The following TMEM130 variants were observed in gnomAD, a reference collection of about 807,000 sequenced individuals.
The protein encoded by TMEM130 is transmembrane protein 130.
Under a neutral mutation model 42.9 loss-of-function variants are expected in TMEM130, and 37 were observed. That is an observed-to-expected ratio of 0.86 (90% CI 0.66 to 1.13). The LOEUF is 1.13. Ranked by LOEUF, TMEM130 falls within the 50% of genes most tolerant of loss-of-function variation. The pLI, the probability that TMEM130 is intolerant of heterozygous loss-of-function variation, is 0.00. For missense variants in TMEM130, 545 were observed against 562.6 expected, an observed-to-expected ratio of 0.97 and a Z score of 0.32; for synonymous variants, 259 against 237.7, an observed-to-expected ratio of 1.09 and a Z score of -0.82.
intron 3 of TMEM130, 110 bp downstream of exon 3, chr7:98,860,068 CA>C (rs113732793): frequency 0.097 from 78,887 of 815,222 alleles, 8 homozygotes; most frequent in South Asian, 0.13. Context: ...GACTGCATCT[CA>C]AAAAAAAAAA....
intron 2 of TMEM130, among the ~76,000 whole-genome samples, chr7:98,862,248 G>C (rs1794786990): frequency 1.3e-5 from 2 of 151,090 alleles, no homozygotes; most frequent in Non-Finnish European, 1.5e-5. Flanking sequence ...GAGAGACAAA[G>C]AGACATAGAG....
intron 5 of TMEM130, among the ~76,000 whole-genome samples, chr7:98,852,451 C>T (rs767744336): frequency 2.0e-5 from 3 of 151,938 alleles, no homozygotes; most frequent in Non-Finnish European, 4.4e-5. Flanking sequence ...TTTTTAATAG[C>T]GATGGGACTA....
chr7:98,866,718 G>A (rs780181620), intron 1 of TMEM130: 21 of 152,196 alleles, frequency 1.4e-4, no homozygotes, highest in African/African-American at 5.1e-4. Context: ...CTCCAGCTCC[G>A]ACCTTTCCTC....
chr7:98,860,099 A>C, intron 3 of TMEM130, 80 bp downstream of exon 3: 1 of 1,271,620 alleles, frequency 7.9e-7, no homozygotes, highest in Admixed American at 2.9e-5. Flanking sequence ...AGGTGAAGAG[A>C]TTCGGAGTAC....
At chr7:98,859,069 AAAAGG>A (rs1191001275) in intron 3 of TMEM130, among the ~76,000 whole-genome samples, 1 of 148,918 alleles carries the variant, frequency 6.7e-6, no homozygotes, top group Non-Finnish European at 1.5e-5. Context: ...AGAAAAAAGA[AAAAGG>A]AAAGGAAAGA....
In TMEM130 at chr7:98,869,794, G is replaced by A; in HGVS notation, c.68C>T (p.Pro23Leu). The A allele has an allele frequency of 7.0e-7, 1 of 1,430,164 alleles. No homozygotes were observed. The highest frequency in any genetic ancestry group is 1.5e-5 in the African/African-American group (1 of 67,536). 88.6% of individuals were successfully genotyped at this position (1,430,164 alleles called of 1,614,324 possible). A position where few individuals can be genotyped will look rare whatever the true frequency, so the allele number is the denominator to read the frequency against. The stretch of plus-strand genomic sequence containing the variant: ...CGCCTTACCTGCGGCCACCCCTGCC[G>A]GGGCCCAGGGCAGGAGGCAGGCAAG... The part of the protein sequence containing the change: ...LWLACLLPWA[P>L]AGVAAGLYEL... The change falls in exon 1 of 8, where the codon CCG becomes CTG. Residue 23 changes from proline (P) to leucine (L), a missense_variant. Pro to Leu is a moderately conservative substitution (Grantham distance 98, BLOSUM62 -3). Transcript: ENST00000339375. This position sits in a 1 kb window ranked among gnomAD's most constrained non-coding sequence, Gnocchi z 4.7.
intron 4 of TMEM130, 47 bp from the exon 5 acceptor site, chr7:98,855,371 T>C (rs372732489): frequency 4.5e-6 from 7 of 1,559,822 alleles, no homozygotes; most frequent in Admixed American, 3.5e-5. Flanking sequence ...TAAGGATTGC[T>C]GTCGAGGCTC....
Position 98,846,932 on chromosome 7 carries a change from T to C in TMEM130, c.*1124A>G, listed in dbSNP as rs1338087380. On this transcript the variant is annotated 3_prime_UTR_variant, in exon 8 of 8. Coordinates refer to ENST00000339375, the MANE Select transcript of TMEM130 (RefSeq NM_152913.3). ...GTGCAGTGGCGCCATCTGGGCTCAC[T>C]GCAAGCTCCGCCTCCCGGGTTCGCA... 6.6e-6 allele frequency: 1 copy of C among 152,018 alleles called. No homozygotes were observed. The highest frequency in any genetic ancestry group is 2.4e-5 in the African/African-American group (1 of 41,348). The allele number at this position is 152,018 out of a possible 1,614,324, so 9.4% of individuals were successfully genotyped here. A position where few individuals can be genotyped will look rare whatever the true frequency, so the allele number is the denominator to read the frequency against.
At chr7:98,866,844 A>C (rs561379385) in intron 1 of TMEM130, 33 of 152,240 alleles carry the variant, frequency 2.2e-4, no homozygotes, top group African/African-American at 7.7e-4. Context: ...TCACACCTGT[A>C]ATCACAGCGC....
At chr7:98,860,157 C>T (rs377047308) in intron 3 of TMEM130, 22 bp downstream of exon 3, 1 of 1,606,666 alleles carries the variant, frequency 6.2e-7, no homozygotes, top group South Asian at 1.1e-5. Context: ...GCTGTAGGGC[C>T]TGCAGAGGGG....
In TMEM130 at chr7:98,848,177, C is replaced by A; in HGVS notation, c.1151G>T (p.Cys384Phe). 6.2e-7 allele frequency: 1 copy of A among 1,614,114 alleles called. No individual in the cohort carries two copies. The highest frequency in any genetic ancestry group is 8.5e-7 in the Non-Finnish European group (1 of 1,180,008). The change falls in exon 8 of 8, where the codon TGC becomes TTC. Residue 384 changes from cysteine (C) to phenylalanine (F), a missense_variant. Transcript: ENST00000339375. ...GAAAGGCCCACAGCACATCTGGCAG[C>A]AGCACCTGACCCCAGAGGGTGGCTC... ...NPEPPSGVRC[C>F]CQMCCGPFLL...
intron 6 of TMEM130, among the ~76,000 whole-genome samples, chr7:98,850,752 A>G (rs1293489201): frequency 6.6e-6 from 1 of 151,998 alleles, no homozygotes; most frequent in Non-Finnish European, 1.5e-5. Context: ...AAGACTCACT[A>G]CAACACTGTG....
intron 6 of TMEM130, among the ~76,000 whole-genome samples, chr7:98,849,595 C>T (rs1407074693): frequency 6.6e-6 from 1 of 151,814 alleles, no homozygotes; most frequent in East Asian, 1.9e-4. Flanking sequence ...TCTCAGGGGC[C>T]CAGAGTGGGA....
Position 98,847,912 on chromosome 7 carries a change from G to T in TMEM130, c.*144C>A. On this transcript the variant is annotated 3_prime_UTR_variant, in exon 8 of 8. Coordinates refer to ENST00000339375, the MANE Select transcript of TMEM130 (RefSeq NM_152913.3). ...CAGAGAGGGAGGGGCTTGTGGCAGTGGCTGAACTGTACAGATGGATGGATG... is the reference window on the plus strand; with the variant it reads ...CAGAGAGGGAGGGGCTTGTGGCAGTTGCTGAACTGTACAGATGGATGGATG... 3 of 746,970 alleles carry T rather than the reference G, an allele frequency of 4.0e-6. No homozygotes were observed. Among genetic ancestry groups the T allele is most frequent in the Admixed American group, 2.8e-5 (1 of 35,500 alleles). 46.3% of individuals were successfully genotyped at this position (746,970 alleles called of 1,614,324 possible).
chr7:98,864,381 C>CTTTTT (rs77399182), intron 1 of TMEM130, among the ~76,000 whole-genome samples: 1 of 137,928 alleles, frequency 7.3e-6, no homozygotes, highest in Non-Finnish European at 1.6e-5. Flanking sequence ...TGATTTTTTT[C>CTTTTT]TTTTTTTTTT....
Position 98,868,027 on chromosome 7 carries a change from G to A in TMEM130, c.85+1750C>T, listed in dbSNP as rs1307492319. On this transcript the variant is annotated intron_variant, in intron 1 of 7. Transcript: ENST00000339375. ...GTGGATCACCTGAGGCCAGAGGTTC[G>A]AGACCAGCCTGGCCAACATGGCGAA... is the stretch of plus-strand genomic sequence containing the variant. Among the ~76,000 whole-genome samples, 4 of 152,196 alleles carry A rather than the reference G, an allele frequency of 2.6e-5. No homozygotes were observed. The South Asian group carries it at 6.2e-4, about 24-fold the overall frequency.
At chr7:98,866,311 C>CAAAT (rs782523604) in intron 1 of TMEM130, 2 of 152,132 alleles carry the variant, frequency 1.3e-5, no homozygotes, top group African/African-American at 2.4e-5. Context: ...AATTCCATCT[C>CAAAT]AAATAAATAA....
intron 7 of TMEM130, 131 bp downstream of exon 7, chr7:98,848,452 C>G: frequency 1.3e-6 from 1 of 787,108 alleles, no homozygotes; most frequent in Non-Finnish European, 2.1e-6. Flanking sequence ...GGGCACATCA[C>G]CCCAAGTCCC....
At chr7:98,859,724 ATAAATAAAT>A (rs1354774366) in intron 3 of TMEM130, among the ~76,000 whole-genome samples, 1 of 62,960 alleles carries the variant, frequency 1.6e-5, no homozygotes, top group Non-Finnish European at 5.9e-5. Flanking sequence ...AAAAATATAA[ATAAATAAAT>A]TAATTAATTA....
Sources: gnomAD v4.1 joint callset for allele counts (sites outside exome capture counted in the v4.1 genomes callset) on GRCh38, gnomAD v4.1.1 for gene constraint, Gnocchi (gnomAD v3.1) non-coding constraint, MANE v1.5 for transcripts, NCBI Gene and HGNC (gene_info 2026-07-23, HGNC 2026-07-21) for gene names.